The following GALNT16 variants were observed in gnomAD, a reference collection of about 807,000 sequenced individuals.
GALNT16 encodes the protein polypeptide N-acetylgalactosaminyltransferase 16, also known as UDP-GalNAc:polypeptide N-acetylgalactosaminyltransferase-like protein 1.
A neutral mutation model predicts 76.1 loss-of-function variants in GALNT16; 40 were observed. The observed-to-expected ratio is 0.53, with a 90% confidence interval of 0.41 to 0.68. The LOEUF (loss-of-function observed/expected upper bound fraction) is 0.68, where lower values mean the gene tolerates loss of function less well. Among genes scored for constraint, GALNT16 ranks in the 30% least tolerant of loss-of-function variants. The pLI is 0.00. For synonymous variants in GALNT16, 276 were observed against 285.2 expected (o/e 0.97, Z 0.32); for missense variants, 621 against 731.9 (o/e 0.85, Z 1.75).
At chr14:69,310,122 G>A (rs746013454) in intron 1 of GALNT16, among the ~76,000 whole-genome samples, 12 of 151,852 alleles carry the variant, frequency 7.9e-5, no homozygotes, top group Admixed American at 2.0e-4. Context: ...CTCCTCTATT[G>A]ATCTGTTTAT....
intron 1 of GALNT16, among the ~76,000 whole-genome samples, chr14:69,274,271 A>G (rs1236975397): frequency 1.3e-5 from 2 of 152,252 alleles, no homozygotes; most frequent in African/African-American, 4.8e-5. Flanking sequence ...ACAAATTAGT[A>G]TGCAAACTTG....
chr14:69,379,227 A>G, the GALNT16 span, among the ~76,000 whole-genome samples: 41 of 152,358 alleles, frequency 2.7e-4, no homozygotes, highest in Admixed American at 6.5e-4. Context: ...GGCGTGAGCC[A>G]CCGCACCCGG....
chr14:69,286,727 A>G (rs1319491589), intron 1 of GALNT16, among the ~76,000 whole-genome samples: 1 of 152,182 alleles, frequency 6.6e-6, no homozygotes, highest in East Asian at 1.9e-4. Context: ...AAAAATCAGG[A>G]TGGGTTGACT....
the GALNT16 span, among the ~76,000 whole-genome samples, chr14:69,382,210 G>T: frequency 8.5e-5 from 13 of 152,142 alleles, no homozygotes; most frequent in Admixed American, 8.5e-4. Context: ...TGAACAGTAA[G>T]GTCACAATCT....
At chr14:69,350,384 C>T (rs74697642) in intron 14 of GALNT16, 377 of 152,384 alleles carry the variant, frequency 2.5e-3, no homozygotes, top group Non-Finnish European at 4.2e-3. Context: ...GAGGTAGCTC[C>T]AAGCACCACG....
intron 1 of GALNT16, among the ~76,000 whole-genome samples, chr14:69,286,014 C>A (rs962174472): frequency 6.6e-6 from 1 of 152,170 alleles, no homozygotes; most frequent in African/African-American, 2.4e-5. Flanking sequence ...GTGGCCTACC[C>A]TGCCAAGCCA....
At chr14:69,297,661 A>G (rs886124412) in intron 1 of GALNT16, among the ~76,000 whole-genome samples, 5 of 151,748 alleles carry the variant, frequency 3.3e-5, no homozygotes, top group Admixed American at 6.6e-5. Flanking sequence ...AAAGAAAAAC[A>G]TAACACTGTC....
At chr14:69,265,404 G>A (rs2044330353) in intron 1 of GALNT16, among the ~76,000 whole-genome samples, 1 of 152,186 alleles carries the variant, frequency 6.6e-6, no homozygotes, top group African/African-American at 2.4e-5. Context: ...TTTCTTCCAT[G>A]GTGGCTGTGT....
At chr14:69,310,401 T>C (rs749951754) in intron 1 of GALNT16, among the ~76,000 whole-genome samples, 11 of 152,148 alleles carry the variant, frequency 7.2e-5, no homozygotes, top group Admixed American at 5.2e-4. Flanking sequence ...ATTCATAGAT[T>C]AAGTCAAGGA....
chr14:69,283,369 G>T (rs185384018), intron 1 of GALNT16, among the ~76,000 whole-genome samples: 2 of 152,302 alleles, frequency 1.3e-5, no homozygotes, highest in South Asian at 4.1e-4. Context: ...TCGGAGGGAG[G>T]CTGGCCAGTA....
At chr14:69,308,489 C>A (rs2044971520) in intron 1 of GALNT16, among the ~76,000 whole-genome samples, 1 of 152,110 alleles carries the variant, frequency 6.6e-6, no homozygotes, top group Non-Finnish European at 1.5e-5. Context: ...ATATTTATTT[C>A]TTCTAACATT....
At chr14:69,335,154 T>C (rs1289918490) in intron 9 of GALNT16, among the ~76,000 whole-genome samples, 1 of 152,176 alleles carries the variant, frequency 6.6e-6, no homozygotes, top group Non-Finnish European at 1.5e-5. Context: ...AGTCTATGTC[T>C]CTGAGACGTT....
intron 1 of GALNT16, among the ~76,000 whole-genome samples, chr14:69,285,367 G>C (rs895595959): frequency 1.3e-5 from 2 of 152,102 alleles, no homozygotes; most frequent in Admixed American, 1.3e-4. Flanking sequence ...CTAACACAGG[G>C]ACTATAAAAG....
intron 1 of GALNT16, among the ~76,000 whole-genome samples, chr14:69,319,533 G>T (rs2045147267): frequency 6.6e-6 from 1 of 152,374 alleles, no homozygotes; most frequent in Middle Eastern, 3.4e-3. Context: ...TTGGAGTTGG[G>T]ATGTACCCAC....
At chr14:69,366,457 A>C in the GALNT16 span, among the ~76,000 whole-genome samples, 2 of 152,198 alleles carry the variant, frequency 1.3e-5, no homozygotes, top group Non-Finnish European at 1.5e-5. Context: ...CTCAGCTTAA[A>C]TGTCAGCCCT....
At chr14:69,311,223 G>GTA (rs1163863769) in intron 1 of GALNT16, among the ~76,000 whole-genome samples, 1 of 152,206 alleles carries the variant, frequency 6.6e-6, no homozygotes, top group Non-Finnish European at 1.5e-5. Flanking sequence ...TTCCAAGATG[G>GTA]TACCTTGTTG....
the GALNT16 span, among the ~76,000 whole-genome samples, chr14:69,368,123 G>A: frequency 2.0e-5 from 3 of 152,204 alleles, no homozygotes; most frequent in African/African-American, 7.2e-5. Flanking sequence ...AGTGATGGAT[G>A]TCTATTCTTT....
chr14:69,352,074 G>T lies in GALNT16; in HGVS notation c.1583G>T (p.Gly528Val). The change falls in exon 15 of 15, where the codon GGC becomes GTC. Residue 528 changes from glycine to valine, a missense_variant. Physicochemically the swap from Gly to Val is moderately radical, Grantham distance 109. Transcript: ENST00000448469. ...TCTTTCATCCAGCATTCAGTCAGTG[G>T]CCTCTGCCTGGAGACAAAGCCTGCC... ...KGSFIQHSVS[G>V]LCLETKPAQL... The T allele has an allele frequency of 1.2e-6, 2 of 1,613,966 alleles. No individual in the cohort carries two copies.
At chr14:69,308,298 T>TA (rs900900268) in intron 1 of GALNT16, among the ~76,000 whole-genome samples, 7 of 151,490 alleles carry the variant, frequency 4.6e-5, no homozygotes, top group African/African-American at 7.2e-5. Flanking sequence ...CTTATTTATA[T>TA]AAAAAAACCT....
Sources: gnomAD v4.1 joint callset for allele counts (sites outside exome capture counted in the v4.1 genomes callset) on GRCh38, gnomAD v4.1.1 for gene constraint, MANE v1.5 for transcripts, NCBI Gene and HGNC (gene_info 2026-07-23, HGNC 2026-07-21) for gene names.